The following DAB1 variants were observed in gnomAD, a reference collection of about 807,000 sequenced individuals.
DAB1 encodes disabled homolog 1.
In DAB1, 15 loss-of-function variants were observed where a neutral mutation model predicts 64.6. The ratio of observed to expected loss-of-function variants is 0.23; its 90% CI spans 0.16 to 0.36. The LOEUF (loss-of-function observed/expected upper bound fraction) is 0.36, where lower values mean the gene tolerates loss of function less well. DAB1 is among the 10% of genes least tolerant of loss of function. DAB1 has a pLI of 1.00. For missense variants in DAB1, 596 were observed against 706.7 expected (o/e 0.84, Z 1.78); for synonymous variants, 235 against 251.9 (o/e 0.93, Z 0.64).
At chr1:58,541,131 T>C (rs1372809091) in intron 1 of DAB1, among the ~76,000 whole-genome samples, 1 of 34,720 alleles carries the variant, frequency 2.9e-5, no homozygotes, top group Non-Finnish European at 7.0e-5. Context: ...CCGTCTCTAC[T>C]AAAAATACAA....
intron 3 of DAB1, among the ~76,000 whole-genome samples, chr1:58,395,380 C>T (rs1644511636): frequency 6.6e-6 from 1 of 152,186 alleles, no homozygotes; most frequent in Non-Finnish European, 1.5e-5. Flanking sequence ...CACTCCCTTT[C>T]TCTGGGCACG....
At chr1:57,260,577 A>G (rs1670105234) in intron 2 of DAB1, among the ~76,000 whole-genome samples, 1 of 152,208 alleles carries the variant, frequency 6.6e-6, no homozygotes, top group Non-Finnish European at 1.5e-5. Flanking sequence ...AGTCAATGAC[A>G]TGACACAAAC....
intron 7 of DAB1, among the ~76,000 whole-genome samples, chr1:57,494,877 G>T (rs1189850580): frequency 1.3e-5 from 2 of 152,138 alleles, no homozygotes; most frequent in Non-Finnish European, 2.9e-5. Flanking sequence ...CTTCAGCTGT[G>T]AAATTCCTTA....
intron 4 of DAB1, among the ~76,000 whole-genome samples, chr1:58,211,751 GACA>G (rs1326789102): frequency 1.3e-5 from 2 of 152,074 alleles, no homozygotes; most frequent in South Asian, 2.1e-4. Flanking sequence ...AAAAAACTGA[GACA>G]ACGAGAGATG....
intron 3 of DAB1, among the ~76,000 whole-genome samples, chr1:58,350,902 C>G (rs771957071): frequency 1.9e-4 from 29 of 152,242 alleles, no homozygotes; most frequent in Non-Finnish European, 3.8e-4. Flanking sequence ...ATGCCTCCAG[C>G]TTTGTCCTTT....
intron 2 of DAB1, among the ~76,000 whole-genome samples, chr1:57,163,116 T>A (rs1310056811): frequency 1.3e-5 from 2 of 152,160 alleles, no homozygotes; most frequent in African/African-American, 2.4e-5. Flanking sequence ...CAGGGCACAG[T>A]CATGAACCAG....
chr1:57,257,144 A>G (rs1669825129), intron 2 of DAB1, among the ~76,000 whole-genome samples: 1 of 152,170 alleles, frequency 6.6e-6, no homozygotes, highest in Non-Finnish European at 1.5e-5. Context: ...CCTCTTGGCC[A>G]TGGTCTCCAC....
chr1:57,018,522 G>A (rs1646506974), intron 11 of DAB1, among the ~76,000 whole-genome samples: 1 of 152,130 alleles, frequency 6.6e-6, no homozygotes, highest in South Asian at 2.1e-4. Context: ...CATTATCTAT[G>A]AAATTCATTT....
chr1:58,212,752 C>T (rs572813268), intron 4 of DAB1, among the ~76,000 whole-genome samples: 1 of 152,086 alleles, frequency 6.6e-6, no homozygotes, highest in Non-Finnish European at 1.5e-5. Flanking sequence ...AGGAGAAAAA[C>T]ATCATGAAGA....
chr1:58,527,396 C>T, intron 1 of DAB1: 1 of 815,020 alleles, frequency 1.2e-6, no homozygotes, highest in Non-Finnish European at 2.2e-6. Flanking sequence ...AAAGGAGTAA[C>T]ACAGAGAGAT....
chr1:57,812,746 A>C (rs1407908890), intron 6 of DAB1, among the ~76,000 whole-genome samples: 1 of 152,246 alleles, frequency 6.6e-6, no homozygotes, highest in Non-Finnish European at 1.5e-5. Flanking sequence ...CTAATTCTTT[A>C]CATAGATTCA....
At chr1:57,959,837 C>A (rs2100267566) in intron 5 of DAB1, among the ~76,000 whole-genome samples, 1 of 152,288 alleles carries the variant, frequency 6.6e-6, no homozygotes, top group Non-Finnish European at 1.5e-5. Context: ...TTTCTGCTTC[C>A]ATTTAAACCC....
At position 57,984,232 on chromosome 1, in the gene DAB1, G is replaced by T. The variant is rs983709041; in HGVS notation, n.388-100070C>A. Reference sequence around the variant, plus strand: ...AGAAAGAAAGAAAGAAAGAAAGAAAGAAAGAAAGAAAGAAAGAAAGAAAGA... The same window carrying T: ...AGAAAGAAAGAAAGAAAGAAAGAAATAAAGAAAGAAAGAAAGAAAGAAAGA... On this transcript the variant is annotated intron_variant and non_coding_transcript_variant, in intron 5 of 20. Transcript: ENST00000485760. Among the ~76,000 whole-genome samples, 7 of 146,442 alleles carry T rather than the reference G, an allele frequency of 4.8e-5. No individual in the cohort carries two copies. The East Asian group carries it at 1.4e-3, about 30-fold the overall frequency.
Position 57,246,995 on chromosome 1 carries a change from C to T in DAB1, c.67+43969G>A, listed in dbSNP as rs1321292917. Among the ~76,000 whole-genome samples the T allele has an allele frequency of 2.0e-5, 3 of 152,206 alleles. 1 individual carries two copies. The highest frequency in any genetic ancestry group is 7.2e-5 in the African/African-American group (3 of 41,462). ...AAATAACTAACTTGTTTTGATTTTA[C>T]AGGCTCACAGGCAGAAGGACTTGTC... On this transcript the variant is annotated intron_variant, in intron 2 of 14. Transcript: ENST00000371236.
chr1:57,217,558 T>A (rs1284851556), intron 2 of DAB1, among the ~76,000 whole-genome samples: 2 of 152,242 alleles, frequency 1.3e-5, no homozygotes, highest in African/African-American at 4.8e-5. Flanking sequence ...CACATCCCTA[T>A]CTTTTACACA....
intron 2 of DAB1, among the ~76,000 whole-genome samples, chr1:57,213,242 A>G (rs1666169153): frequency 6.6e-6 from 1 of 152,214 alleles, no homozygotes; most frequent in Non-Finnish European, 1.5e-5. Context: ...TATCTTAACT[A>G]TTATCATTTC....
At chr1:58,302,375 AAG>A (rs760278610) in intron 4 of DAB1, among the ~76,000 whole-genome samples, 33 of 150,066 alleles carry the variant, frequency 2.2e-4, no homozygotes, top group East Asian at 3.9e-4. Flanking sequence ...CTGGGGCCTT[AAG>A]AGAGAGAGAG....
chr1:57,449,202 A>G (rs17459976), intron 7 of DAB1, among the ~76,000 whole-genome samples: 78,292 of 151,948 alleles, frequency 0.52, 20,392 homozygotes, highest in Admixed American at 0.61. Context: ...GAAATATGAT[A>G]GAACATGAAA....
At chr1:57,550,354 G>A (rs376183159) in intron 7 of DAB1, among the ~76,000 whole-genome samples, 42 of 152,242 alleles carry the variant, frequency 2.8e-4, no homozygotes, top group African/African-American at 8.7e-4. Context: ...GGACTCCTAC[G>A]TGGACAGGGA....
Sources: gnomAD v4.1 joint callset for allele counts (sites outside exome capture counted in the v4.1 genomes callset) on GRCh38, gnomAD v4.1.1 for gene constraint, MANE v1.5 for transcripts, NCBI Gene and HGNC (gene_info 2026-07-23, HGNC 2026-07-21) for gene names.